Variants in CDH4 observed in about 807,000 individuals in gnomAD.
The protein encoded by CDH4 is cadherin 4.
Under a neutral mutation model 86.0 loss-of-function variants are expected in CDH4, and 33 were observed. The ratio of observed to expected loss-of-function variants is 0.38; its 90% CI spans 0.29 to 0.51. CDH4 has a LOEUF of 0.51. Among genes scored for constraint, CDH4 ranks in the 20% least tolerant of loss-of-function variants. The pLI is 0.86. For synonymous variants in CDH4, 555 were observed against 549.4 expected (o/e 1.01, Z -0.14); for missense variants, 1,114 against 1,307.4 (o/e 0.85, Z 2.28).
intron 15 of CDH4, among the ~76,000 whole-genome samples, chr20:61,935,750 G>T (rs967153044): frequency 6.6e-6 from 1 of 152,224 alleles, no homozygotes; most frequent in Non-Finnish European, 1.5e-5. Context: ...AGCTGGGCAT[G>T]GTGGCGGGCA....
chr20:61,482,649 C>T (rs570163487), intron 2 of CDH4, among the ~76,000 whole-genome samples: 17 of 152,318 alleles, frequency 1.1e-4, no homozygotes, highest in African/African-American at 4.1e-4. Context: ...GGGTTTTACT[C>T]AGCTGACTCG....
rs548278746 is a variant in CDH4 at position 61,667,802 on chromosome 20, G to T, written c.170-75761G>T. On this transcript the variant is annotated intron_variant, in intron 2 of 15. Transcript: ENST00000614565. ...CTCGGTGAGTTTCCTGGACAAGCAG[G>T]CCAGGAAGAGTGAATGAATGCAAGG... Among the ~76,000 whole-genome samples, 122 of 152,336 alleles carry T rather than the reference G, an allele frequency of 8.0e-4. 1 individual carries two copies. In the South Asian group the frequency reaches 0.024, roughly 30 times the overall value.
At chr20:61,734,928 C>T (rs545642329) in intron 2 of CDH4, among the ~76,000 whole-genome samples, 9 of 152,252 alleles carry the variant, frequency 5.9e-5, no homozygotes, top group South Asian at 2.1e-4. Flanking sequence ...CGATAGCCCC[C>T]GCTCCCGAGA....
intron 2 of CDH4, among the ~76,000 whole-genome samples, chr20:61,668,235 T>C (rs2087348703): frequency 6.6e-6 from 1 of 152,192 alleles, no homozygotes; most frequent in Admixed American, 6.5e-5. Context: ...CGGGAGGAGC[T>C]GGAAGCTGTA....
rs1221790796 is a variant in CDH4 at position 61,863,639 on chromosome 20, G to T, written c.878-10089G>T. Among the ~76,000 whole-genome samples, 3 of 152,210 alleles carry T rather than the reference G, an allele frequency of 2.0e-5. No homozygotes were observed. The East Asian group carries it at 5.8e-4, about 29-fold the overall frequency. The stretch of plus-strand genomic sequence containing the variant: ...CGTCACTGGAGAAGCGAGAGGGCCA[G>T]TGGGGACACGGGGATCCAGGTTCCC... On this transcript the variant is annotated intron_variant, in intron 6 of 15. Coordinates refer to ENST00000614565, the MANE Select transcript of CDH4 (RefSeq NM_001794.5).
chr20:61,661,525 A>C (rs1247484910), intron 2 of CDH4, among the ~76,000 whole-genome samples: 2 of 149,594 alleles, frequency 1.3e-5, no homozygotes, highest in Non-Finnish European at 3.0e-5. Context: ...GGGTCTATAA[A>C]GAAACTCTTC....
chr20:61,689,018 G>A (rs546241744), intron 2 of CDH4, among the ~76,000 whole-genome samples: 3 of 152,220 alleles, frequency 2.0e-5, no homozygotes, highest in Non-Finnish European at 4.4e-5. Flanking sequence ...CTCCCTCCTC[G>A]CCTTCCCTGT....
At chr20:61,425,954 C>G (rs1471115646) in intron 2 of CDH4, among the ~76,000 whole-genome samples, 1 of 152,264 alleles carries the variant, frequency 6.6e-6, no homozygotes, top group Non-Finnish European at 1.5e-5. Context: ...CTCAGATCAT[C>G]TGAAAACTGA....
At chr20:61,912,943 T>G (rs113466719) in intron 9 of CDH4, among the ~76,000 whole-genome samples, 2 of 152,124 alleles carry the variant, frequency 1.3e-5, no homozygotes, top group African/African-American at 4.8e-5. Context: ...ACGTTGCTCA[T>G]GGGAAGGTGA....
intron 2 of CDH4, among the ~76,000 whole-genome samples, chr20:61,335,227 C>T (rs1023985255): frequency 1.3e-5 from 2 of 152,212 alleles, no homozygotes; most frequent in African/African-American, 2.4e-5. Flanking sequence ...AGCCAGCAGT[C>T]GTCCCTGTGT....
At chr20:61,806,498 C>A in intron 4 of CDH4, among the ~76,000 whole-genome samples, 1 of 152,218 alleles carries the variant, frequency 6.6e-6, no homozygotes. Context: ...GGAGGCAATT[C>A]CATACCCAAG....
At chr20:61,595,974 T>C (rs2254276) in intron 2 of CDH4, among the ~76,000 whole-genome samples, 114,828 of 151,900 alleles carry the variant, frequency 0.76, 43,441 homozygotes, top group Admixed American at 0.81. Context: ...CCACTCGCTC[T>C]CAGCTGCACA....
intron 2 of CDH4, among the ~76,000 whole-genome samples, chr20:61,572,783 A>G (rs1318179177): frequency 2.6e-5 from 4 of 152,234 alleles, no homozygotes; most frequent in Non-Finnish European, 5.9e-5. Flanking sequence ...ATGCAGCCCC[A>G]AGGGGTCAGT....
intron 2 of CDH4, among the ~76,000 whole-genome samples, chr20:61,598,222 G>A (rs2086570694): frequency 6.6e-6 from 1 of 152,030 alleles, no homozygotes; most frequent in Non-Finnish European, 1.5e-5. Context: ...TTTCCTTCTA[G>A]CACCTTCCAG....
At chr20:61,764,818 T>C (rs1213034937) in intron 3 of CDH4, among the ~76,000 whole-genome samples, 4 of 152,046 alleles carry the variant, frequency 2.6e-5, no homozygotes, top group Non-Finnish European at 5.9e-5. Context: ...AGCACAGAGC[T>C]CACCAGCCCC....
intron 7 of CDH4, among the ~76,000 whole-genome samples, chr20:61,878,354 G>A (rs146770431): frequency 8.1e-4 from 123 of 152,318 alleles, no homozygotes; most frequent in Non-Finnish European, 1.3e-3. Context: ...AGACCCAGGC[G>A]TGGCCTGCAG....
At chr20:61,665,762 G>T (rs555465710) in intron 2 of CDH4, among the ~76,000 whole-genome samples, 3 of 152,168 alleles carry the variant, frequency 2.0e-5, no homozygotes, top group African/African-American at 7.2e-5. Context: ...ATTTATCTCC[G>T]ACCTTTGAGT....
At chr20:61,432,545 A>T (rs1328160777) in intron 2 of CDH4, among the ~76,000 whole-genome samples, 1 of 152,154 alleles carries the variant, frequency 6.6e-6, no homozygotes, top group Non-Finnish European at 1.5e-5. Context: ...TTTTTGCCAG[A>T]TATACACAGC....
intron 3 of CDH4, among the ~76,000 whole-genome samples, chr20:61,762,497 G>A (rs922519600): frequency 2.0e-5 from 3 of 152,338 alleles, no homozygotes; most frequent in East Asian, 1.9e-4. Flanking sequence ...GCTCACAGGG[G>A]TGTGTGGAGC....
Sources: allele counts gnomAD v4.1 joint callset (sites outside exome capture counted in the v4.1 genomes callset), GRCh38; gene constraint gnomAD v4.1.1; transcripts MANE v1.5; gene names NCBI Gene and HGNC (gene_info 2026-07-23, HGNC 2026-07-21).